ABI2: variants seen among roughly 807,000 people sequenced by gnomAD.
ABI2 encodes abl interactor 2.
Under a neutral mutation model 59.2 loss-of-function variants are expected in ABI2, and 25 were observed. The ratio of observed to expected loss-of-function variants is 0.42; its 90% confidence interval spans 0.31 to 0.59. ABI2 has a LOEUF of 0.59. Ranked by LOEUF, ABI2 falls within the 20% of genes least tolerant of loss-of-function variation. The probability of loss-of-function intolerance (pLI) is 0.14; values close to 1 mark genes in which losing one functional copy is unlikely to be tolerated. For synonymous variants in ABI2, 213 were observed against 235.5 expected (o/e 0.90, Z 0.87); for missense variants, 545 against 681.8 (o/e 0.80, Z 2.23).
chr2:203,359,487 T>C (rs901685764), intron 1 of ABI2, among the ~76,000 whole-genome samples: 4 of 152,242 alleles, frequency 2.6e-5, no homozygotes, highest in African/African-American at 7.2e-5. Flanking sequence ...AGTTAGACAA[T>C]ATACAGGTTA....
chr2:203,334,880 C>T (rs972135941), intron 1 of ABI2, among the ~76,000 whole-genome samples: 1 of 152,156 alleles, frequency 6.6e-6, no homozygotes, highest in African/African-American at 2.4e-5. Context: ...AGGCTGGTCT[C>T]GAGATCCTGA....
intron 2 of ABI2, among the ~76,000 whole-genome samples, chr2:203,368,597 T>C (rs2153023050): frequency 6.6e-6 from 1 of 152,310 alleles, no homozygotes; most frequent in South Asian, 2.1e-4. Context: ...TAGAGAGATT[T>C]CTTATTTAAT....
intron 4 of ABI2, among the ~76,000 whole-genome samples, chr2:203,384,448 A>G (rs1371903647): frequency 6.6e-6 from 1 of 151,988 alleles, no homozygotes; most frequent in East Asian, 1.9e-4. Flanking sequence ...TTGGTACTAC[A>G]TGTGTGCACC....
At chr2:203,378,118 CT>C (rs1454045951) in intron 2 of ABI2, among the ~76,000 whole-genome samples, 158 of 142,056 alleles carry the variant, frequency 1.1e-3, no homozygotes, top group Non-Finnish European at 9.6e-4. Context: ...CTTTTCTTTT[CT>C]TTTTTTTTTT....
At chr2:203,376,038 T>G (rs1055134477) in intron 2 of ABI2, 10 of 1,496,360 alleles carry the variant, frequency 6.7e-6, no homozygotes, top group Non-Finnish European at 9.0e-6. Flanking sequence ...AGTTATTTAC[T>G]TAAAATATCT....
rs2098243919 is a variant in ABI2, at chr2:203,422,130, C to A, written c.1454-5047C>A. ...GGGCAACATGGCGATACCCTCGTCT[C>A]TACAAAAAATTAGAAAACTTAGCCA... On this transcript the variant is annotated intron_variant, in intron 11 of 11. Coordinates refer to ENST00000261018, the MANE Select transcript of ABI2 (RefSeq NM_001375670.1). 3.3e-5 allele frequency among the ~76,000 whole-genome samples: 5 copies of A among 151,882 alleles called. 1 individual carries two copies. The South Asian group carries it at 1.0e-3, about 32-fold the overall frequency.
chr2:203,408,475 C>T (rs2097526084), intron 9 of ABI2, among the ~76,000 whole-genome samples: 1 of 151,668 alleles, frequency 6.6e-6, no homozygotes. Flanking sequence ...TGGTGTACTT[C>T]TTAAAACCAC....
intron 2 of ABI2, among the ~76,000 whole-genome samples, chr2:203,373,063 C>G (rs1336996736): frequency 6.6e-6 from 1 of 152,204 alleles, no homozygotes; most frequent in Non-Finnish European, 1.5e-5. Flanking sequence ...GATGGGGTGG[C>G]GGCCGGGCAG....
intron 1 of ABI2, among the ~76,000 whole-genome samples, chr2:203,366,060 A>G (rs1468324256): frequency 3.3e-5 from 5 of 152,120 alleles, no homozygotes; most frequent in Non-Finnish European, 7.3e-5. Flanking sequence ...AAACTGTCAT[A>G]GTATTTCTTA....
At chr2:203,369,796 A>G (rs1160853397) in intron 2 of ABI2, among the ~76,000 whole-genome samples, 5 of 152,188 alleles carry the variant, frequency 3.3e-5, no homozygotes, top group Non-Finnish European at 1.5e-5. Context: ...CAGAATATAA[A>G]TTATTATGTT....
At chr2:203,412,137 C>T (rs1281346409) in intron 10 of ABI2, among the ~76,000 whole-genome samples, 1 of 152,192 alleles carries the variant, frequency 6.6e-6, no homozygotes, top group Non-Finnish European at 1.5e-5. Flanking sequence ...GTGTATATAT[C>T]TCATAACAAG....
In ABI2 at chr2:203,427,221, TC is replaced by T; in HGVS notation, c.1500del (p.Gln502ArgfsTer21). Reference protein sequence around the residue: ...DYTKDKEDELSFQEGAIIYVI... With the variant: ...DYTKDKEDELXFQEGAIIYVI... Reference sequence around the variant, plus strand: ...TACAAAAGACAAGGAAGATGAGCTGTCCTTTCAGGAAGGAGCCATTATTTAT... The same window carrying T: ...TACAAAAGACAAGGAAGATGAGCTGTCTTTCAGGAAGGAGCCATTATTTAT... On this transcript the variant is annotated frameshift_variant, in exon 12 of 12. Transcript: ENST00000261018. LOFTEE classifies it high-confidence loss of function. 6.2e-7 allele frequency: 1 copy of T among 1,614,098 alleles called. No homozygotes were observed. The highest frequency in any genetic ancestry group is 8.5e-7 in the Non-Finnish European group (1 of 1,180,016).
At chr2:203,349,156 G>T (rs1316890475) in intron 1 of ABI2, among the ~76,000 whole-genome samples, 1 of 151,318 alleles carries the variant, frequency 6.6e-6, no homozygotes, top group Non-Finnish European at 1.5e-5. Context: ...TGCGCAAGCT[G>T]GTCTCCAACT....
intron 1 of ABI2, among the ~76,000 whole-genome samples, chr2:203,348,907 GTTTT>G (rs985094338): frequency 6.7e-6 from 1 of 150,192 alleles, no homozygotes; most frequent in African/African-American, 2.4e-5. Context: ...TGCTGAAGGT[GTTTT>G]TTTTTGTTTT....
At chr2:203,342,157 T>A (rs1363823942) in intron 1 of ABI2, 1 of 451,556 alleles carries the variant, frequency 2.2e-6, no homozygotes, top group Non-Finnish European at 4.4e-6. Context: ...ACCATTTATT[T>A]TATTATATGT....
Position 203,390,716 on chromosome 2 carries a change from A to G in ABI2, c.481-330A>G, listed in dbSNP as rs562330599. Among the ~76,000 whole-genome samples the G allele has an allele frequency of 2.0e-4, 31 of 152,358 alleles. 1 individual carries two copies. The highest frequency in any genetic ancestry group is 7.5e-4 in the African/African-American group (31 of 41,584). On this transcript the variant is annotated intron_variant, in intron 4 of 11. Transcript: ENST00000261018. ...TTTGATTGAGTTACTCTTTATTAAA[A>G]CTAAAATTTTGTAGTTATTCTATTT...
In ABI2 at chr2:203,380,607, G is replaced by C. The variant is rs535859829; in HGVS notation, c.462+223G>C. 2.6e-5 allele frequency among the ~76,000 whole-genome samples: 4 copies of C among 152,158 alleles called. No individual in the cohort carries two copies. The East Asian group carries it at 7.7e-4, about 29-fold the overall frequency. On this transcript the variant is annotated intron_variant, in intron 3 of 11. Transcript: ENST00000261018. ...AGTCATCTTTGAATGAATTATATTT[G>C]CTTGGTTATGATAATACCTCCTATG...
intron 9 of ABI2, among the ~76,000 whole-genome samples, chr2:203,406,133 A>G (rs912046057): frequency 6.6e-6 from 1 of 152,222 alleles, no homozygotes; most frequent in Admixed American, 6.5e-5. Flanking sequence ...ATAGAAACAC[A>G]TAGGGCTAAT....
chr2:203,363,669 G>A (rs1325381636), intron 1 of ABI2, among the ~76,000 whole-genome samples: 1 of 152,084 alleles, frequency 6.6e-6, no homozygotes, highest in Non-Finnish European at 1.5e-5. Context: ...TTAATATAAT[G>A]ACCTCCAGTT....
Sources: gnomAD v4.1 joint callset for allele counts (sites outside exome capture counted in the v4.1 genomes callset) on GRCh38, gnomAD v4.1.1 for gene constraint, MANE v1.5 for transcripts, NCBI Gene and HGNC (gene_info 2026-07-23, HGNC 2026-07-21) for gene names.